Variants in RAB36 observed in about 807,000 individuals in gnomAD.
RAB36 encodes RAB36, member RAS oncogene family, also known as ras-related protein Rab-36.
RAB36 carries 33 observed loss-of-function variants against 39.3 expected under a neutral mutation model. The observed-to-expected ratio is 0.84, with a 90% CI of 0.64 to 1.12. RAB36 has a LOEUF of 1.12. Among genes scored for constraint, RAB36 ranks in the 50% most tolerant of loss-of-function variants. RAB36 has a pLI of 0.00. For synonymous variants in RAB36, 133 were observed against 140.2 expected, an observed-to-expected ratio of 0.95 and a Z score of 0.36; for missense variants, 308 against 355.3, an observed-to-expected ratio of 0.87 and a Z score of 1.07.
At position 23,152,942 on chromosome 22, in the gene RAB36, T is replaced by G. The variant is rs1226383641; in HGVS notation, c.228-91T>G. 5 of 918,484 alleles carry G rather than the reference T, an allele frequency of 5.4e-6. No individual in the cohort carries two copies. In the African/African-American group the frequency reaches 8.2e-5, roughly 15 times the overall value. 56.9% of individuals were successfully genotyped at this position (918,484 alleles called of 1,614,324 possible). On this transcript the variant is annotated intron_variant, in intron 4 of 10. Coordinates refer to ENST00000263116, the MANE Select transcript of RAB36 (RefSeq NM_004914.5). ...TCGCTTCCTGATGGGAAGTGGACCT[T>G]ATTTGCCTAAAGACTTGCAGTGTTA... is the stretch of plus-strand genomic sequence containing the variant.
chr22:23,154,386 T>G (rs1324775722), intron 5 of RAB36, among the ~76,000 whole-genome samples: 2 of 152,202 alleles, frequency 1.3e-5, no homozygotes, highest in East Asian at 3.9e-4. Context: ...TAGTGCCCCC[T>G]TCTCTCAGGA....
chr22:23,164,555 A>G lies in RAB36; in HGVS notation c.*2991A>G, dbSNP rs1018593598. On this transcript the variant is annotated 3_prime_UTR_variant, in exon 11 of 11. Transcript: ENST00000263116. Reference sequence around the variant, plus strand: ...TGCGCACCCTCACTTTGATGATTTAATGAAGACATTTCCTTCTTTCCCAGC... The same window carrying G: ...TGCGCACCCTCACTTTGATGATTTAGTGAAGACATTTCCTTCTTTCCCAGC... Among the ~76,000 whole-genome samples, 2 of 152,118 alleles carry G rather than the reference A, an allele frequency of 1.3e-5. No homozygotes were observed. Among genetic ancestry groups the G allele is most frequent in the African/African-American group, 4.8e-5 (2 of 41,406 alleles).
At chr22:23,153,477 G>T in intron 5 of RAB36, 2 of 726,472 alleles carry the variant, frequency 2.8e-6, no homozygotes, top group Non-Finnish European at 1.7e-6. Flanking sequence ...CAGGCCAGCA[G>T]GGTGGCCTCC....
Position 23,160,984 on chromosome 22 carries a change from A to G in RAB36, c.725A>G (p.Asn242Ser), listed in dbSNP as rs1180160380. ...AGCAGTGCCCGGCTCCAGGTCGGCAATGGAGACCTAATCCGTGAGTATAGG... is the reference window on the plus strand; with the variant it reads ...AGCAGTGCCCGGCTCCAGGTCGGCAGTGGAGACCTAATCCGTGAGTATAGG... ...RQSSARLQVGNGDLIQMEGSP... is the reference protein window; with the variant it reads ...RQSSARLQVGSGDLIQMEGSP... Residue 242 changes from asparagine to serine, a missense_variant, in exon 10 of 11, where the codon AAT becomes AGT. Transcript: ENST00000263116. 1.2e-6 allele frequency: 2 copies of G among 1,611,202 alleles called. No individual in the cohort carries two copies. Among genetic ancestry groups the G allele is most frequent in the South Asian group, 1.1e-5 (1 of 90,928 alleles).
At chr22:23,148,025 G>C (rs923035259) in intron 2 of RAB36, among the ~76,000 whole-genome samples, 1 of 152,026 alleles carries the variant, frequency 6.6e-6, no homozygotes, top group Admixed American at 6.5e-5. Flanking sequence ...CTGTGGCTTC[G>C]GACAGGTGCA....
intron 5 of RAB36, 47 bp from the exon 6 acceptor site, chr22:23,155,921 T>C (rs375818016): frequency 1.3e-6 from 2 of 1,540,120 alleles, no homozygotes; most frequent in Middle Eastern, 1.7e-4. Context: ...GACACTGTGA[T>C]TGTGTAGCCT....
chr22:23,151,231 G>A (rs1003066806), intron 3 of RAB36, among the ~76,000 whole-genome samples: 1 of 152,200 alleles, frequency 6.6e-6, no homozygotes, highest in African/African-American at 2.4e-5. Context: ...GGCATCTGTT[G>A]GGGAATGCTG....
chr22:23,168,222 G>A (rs950162660), downstream of RAB36, among the ~76,000 whole-genome samples: 2 of 152,118 alleles, frequency 1.3e-5, no homozygotes, highest in African/African-American at 4.8e-5. Context: ...TGGGGCATAA[G>A]CCCTGGGTCC....
chr22:23,145,997 G>T, intron 1 of RAB36: 1 of 985,350 alleles, frequency 1.0e-6, no homozygotes, highest in Non-Finnish European at 1.2e-6. Context: ...TACTTCCACT[G>T]CCTGAGCTGT....
At chr22:23,166,936 G>T (rs935338262), downstream of RAB36, among the ~76,000 whole-genome samples, 1 of 152,142 alleles carries the variant, frequency 6.6e-6, no homozygotes. Flanking sequence ...CTTTGTGCCA[G>T]CCCCGTATGC....
At chr22:23,152,780 C>G (rs568851979) in intron 4 of RAB36, among the ~76,000 whole-genome samples, 4 of 152,320 alleles carry the variant, frequency 2.6e-5, no homozygotes, top group African/African-American at 9.6e-5. Flanking sequence ...GCTCTCCCCT[C>G]CACTGCCCTC....
Position 23,150,031 on chromosome 22 carries a change from G to A in RAB36, c.70-32G>A, listed in dbSNP as rs1217950715. 8 of 1,537,000 alleles carry A rather than the reference G, an allele frequency of 5.2e-6. No individual in the cohort carries two copies. The African/African-American group carries it at 1.1e-4, about 21-fold the overall frequency. On this transcript the variant is annotated intron_variant, in intron 2 of 10. Transcript: ENST00000263116. Reference sequence around the variant, plus strand: ...CGAGGGCGGAGCCACAGCTTTGCAGGATGATGTGTCCGTCTGTCTGTCTCT... The same window carrying A: ...CGAGGGCGGAGCCACAGCTTTGCAGAATGATGTGTCCGTCTGTCTGTCTCT...
chr22:23,146,265 G>A (rs543249386), intron 1 of RAB36, among the ~76,000 whole-genome samples: 3 of 152,306 alleles, frequency 2.0e-5, no homozygotes, highest in Admixed American at 6.5e-5. Context: ...CTGGAGTGCA[G>A]TGGCACCTTC....
chr22:23,147,340 CT>C (rs917877071), intron 2 of RAB36, among the ~76,000 whole-genome samples: 11 of 145,644 alleles, frequency 7.6e-5, no homozygotes, highest in African/African-American at 1.5e-4. Context: ...TTTCTTTTTT[CT>C]TTTTTTTTTA....
chr22:23,151,591 C>A (rs750997734), intron 3 of RAB36, among the ~76,000 whole-genome samples: 1 of 152,130 alleles, frequency 6.6e-6, no homozygotes, highest in Non-Finnish European at 1.5e-5. Flanking sequence ...AAAGTGTTGT[C>A]AACAGTCCCA....
At chr22:23,168,775 G>A (rs111467671), downstream of RAB36, among the ~76,000 whole-genome samples, 8 of 152,334 alleles carry the variant, frequency 5.3e-5, no homozygotes, top group African/African-American at 1.9e-4. Context: ...CCAGGAAGGT[G>A]AGGGAGCAGG....
chr22:23,165,873 A>G (rs543740415), downstream of RAB36, among the ~76,000 whole-genome samples: 11 of 152,160 alleles, frequency 7.2e-5, no homozygotes, highest in Non-Finnish European at 1.0e-4. Context: ...CAGGCTGGGC[A>G]CAGTGGCTCA....
intron 9 of RAB36, among the ~76,000 whole-genome samples, 185 bp downstream of exon 9, chr22:23,159,438 C>G (rs9612250): frequency 6.6e-6 from 1 of 152,248 alleles, no homozygotes; most frequent in African/African-American, 2.4e-5. Context: ...CTAAGAGGAG[C>G]TGCGTCATCT....
rs1292383699 is a variant in RAB36 at position 23,165,555 on chromosome 22, G to T, written c.*3991G>T. On this transcript the variant is annotated 3_prime_UTR_variant, in exon 11 of 11. Coordinates refer to ENST00000263116, the MANE Select transcript of RAB36 (RefSeq NM_004914.5). Reference sequence around the variant, plus strand: ...CCAGCTAGAGAGGCTCTGGGCACAGGAAAGAATTGGACTTCGGGCAGAAAA... The same window carrying T: ...CCAGCTAGAGAGGCTCTGGGCACAGTAAAGAATTGGACTTCGGGCAGAAAA... 6.6e-6 allele frequency among the ~76,000 whole-genome samples: 1 copy of T among 152,244 alleles called. No individual in the cohort carries two copies. The highest frequency in any genetic ancestry group is 2.4e-5 in the African/African-American group (1 of 41,454).
Sources: allele counts gnomAD v4.1 joint callset (sites outside exome capture counted in the v4.1 genomes callset), GRCh38; gene constraint gnomAD v4.1.1; transcripts MANE v1.5; gene names NCBI Gene and HGNC (gene_info 2026-07-23, HGNC 2026-07-21).